Variants in PDZD2 observed in about 807,000 individuals in gnomAD.
PDZD2 encodes the protein PDZ domain-containing protein 2.
Under a neutral mutation model 220.7 loss-of-function variants are expected in PDZD2, and 90 were observed. The observed-to-expected ratio is 0.41, with a 90% CI of 0.34 to 0.49. The LOEUF (loss-of-function observed/expected upper bound fraction) is 0.49. Among genes scored for constraint, PDZD2 ranks in the 20% least tolerant of loss-of-function variants. The probability of loss-of-function intolerance (pLI) is 0.28; values close to 1 mark genes in which losing one functional copy is unlikely to be tolerated. For synonymous variants in PDZD2, 1,375 were observed against 1,450.5 expected (o/e 0.95, Z 1.18); for missense variants, 3,174 against 3,608.5 (o/e 0.88, Z 3.08).
chr5:31,727,896 AG>A (rs1749269798), intron 1 of PDZD2, among the ~76,000 whole-genome samples: 1 of 150,042 alleles, frequency 6.7e-6, no homozygotes, highest in South Asian at 2.1e-4. Context: ...CCAGCTACTC[AG>A]GAGGCTGAGG....
intron 2 of PDZD2, among the ~76,000 whole-genome samples, chr5:31,873,638 G>A (rs1210202936): frequency 6.6e-6 from 1 of 151,536 alleles, no homozygotes. Context: ...TGGGCTCAAA[G>A]CGATCCGCCT....
intron 2 of PDZD2, among the ~76,000 whole-genome samples, chr5:31,918,388 G>T (rs1265281055): frequency 6.6e-6 from 1 of 152,196 alleles, no homozygotes; most frequent in Non-Finnish European, 1.5e-5. Context: ...ACCAACTAGG[G>T]TGAACAGAGT....
At chr5:31,761,229 C>T (rs1211463091) in intron 1 of PDZD2, among the ~76,000 whole-genome samples, 1 of 152,142 alleles carries the variant, frequency 6.6e-6, no homozygotes, top group East Asian at 1.9e-4. Context: ...TGAAAAGTCA[C>T]CCAAACGGAA....
intron 1 of PDZD2, among the ~76,000 whole-genome samples, chr5:31,704,572 A>G (rs575272204): frequency 2.7e-4 from 41 of 152,202 alleles, no homozygotes; most frequent in Non-Finnish European, 4.6e-4. Context: ...AAATATTTTG[A>G]CTGCAGATTT....
intron 1 of PDZD2, among the ~76,000 whole-genome samples, chr5:31,678,120 G>C (rs1746511822): frequency 6.6e-6 from 1 of 152,198 alleles, no homozygotes; most frequent in Admixed American, 6.5e-5. Flanking sequence ...AGACATGGGG[G>C]ACAGATGGTC....
At position 31,878,555 on chromosome 5, in the gene PDZD2, C is replaced by CTTTTTTTTT. The variant is rs397884384; in HGVS notation, c.476+78847_476+78855dup. On this transcript the variant is annotated intron_variant, in intron 2 of 24. Transcript: ENST00000438447. ...TTCTTTGGTGGTCAGATGACCTCGGCTTTTTTTTTTTTTTTTTTTTTTTTG... is the reference window on the plus strand; with the variant it reads ...TTCTTTGGTGGTCAGATGACCTCGGCTTTTTTTTTTTTTTTTTTTTTTTTTTTTTTTTTG... 3.3e-3 allele frequency among the ~76,000 whole-genome samples: 160 copies of CTTTTTTTTT among 48,192 alleles called. 30 individuals are homozygous for CTTTTTTTTT. The highest frequency in any genetic ancestry group is 8.9e-3 in the African/African-American group (128 of 14,368). The allele number at this position is 48,192 out of a possible 152,430, so 31.6% of individuals were successfully genotyped here.
chr5:31,699,781 GT>G (rs11370810), intron 1 of PDZD2, among the ~76,000 whole-genome samples: 25 of 142,124 alleles, frequency 1.8e-4, no homozygotes, highest in Middle Eastern at 3.7e-3. Context: ...TTTTTTGTTT[GT>G]TTTTTTTTTG....
At chr5:31,850,243 T>TATATATATATAC (rs577432352) in intron 2 of PDZD2, among the ~76,000 whole-genome samples, 46 of 122,224 alleles carry the variant, frequency 3.8e-4, no homozygotes, top group South Asian at 2.6e-3. Flanking sequence ...TATATATATA[T>TATATATATATAC]ACACACACAC....
intron 1 of PDZD2, among the ~76,000 whole-genome samples, chr5:31,795,612 A>G (rs963523513): frequency 1.3e-5 from 2 of 152,164 alleles, no homozygotes; most frequent in Non-Finnish European, 2.9e-5. Context: ...GGAGGTCAGT[A>G]TTTCTAACTG....
rs1167189434 is a variant in PDZD2 at position 31,849,949 on chromosome 5, CATATATATATAT to C, written c.476+50227_476+50238del. On this transcript the variant is annotated intron_variant, in intron 2 of 24. Transcript: ENST00000438447. Reference sequence around the variant, plus strand: ...ATATATATACACATATATATATATACATATATATATATACACATATATATATATACATATATA... The same window carrying C: ...ATATATATACACATATATATATATACACACATATATATATATACATATATA... Among the ~76,000 whole-genome samples, 6 of 20,458 alleles carry C rather than the reference CATATATATATAT, an allele frequency of 2.9e-4. 1 individual carries two copies. The highest frequency in any genetic ancestry group is 1.7e-3 in the African/African-American group (6 of 3,538). The allele number at this position is 20,458 out of a possible 152,430, so 13.4% of individuals were successfully genotyped here.
intron 1 of PDZD2, among the ~76,000 whole-genome samples, chr5:31,692,349 C>T (rs925713356): frequency 2.6e-5 from 4 of 152,224 alleles, no homozygotes; most frequent in Non-Finnish European, 4.4e-5. Context: ...GCCTCTCCCT[C>T]CAAACCTCCC....
chr5:32,009,682 T>C (rs1467533330), intron 5 of PDZD2, among the ~76,000 whole-genome samples: 1 of 151,702 alleles, frequency 6.6e-6, no homozygotes, highest in African/African-American at 2.4e-5. Flanking sequence ...CAGTGAGCTA[T>C]GATTGCACCA....
intron 6 of PDZD2, among the ~76,000 whole-genome samples, chr5:32,015,967 A>G (rs1561355924): frequency 6.6e-6 from 1 of 152,232 alleles, no homozygotes; most frequent in Non-Finnish European, 1.5e-5. Flanking sequence ...TTCCGTTGCC[A>G]TCAAGCAAAT....
intron 1 of PDZD2, among the ~76,000 whole-genome samples, chr5:31,667,819 G>A (rs1746052430): frequency 1.3e-5 from 2 of 151,894 alleles, no homozygotes; most frequent in African/African-American, 4.8e-5. Flanking sequence ...AAGGTAGAGG[G>A]GAAGTCTGCA....
At chr5:31,948,796 T>TTA (rs974093985) in intron 2 of PDZD2, among the ~76,000 whole-genome samples, 12 of 152,070 alleles carry the variant, frequency 7.9e-5, no homozygotes, top group Non-Finnish European at 1.8e-4. Context: ...AGAGAACCAC[T>TTA]TATATATATA....
At chr5:32,096,829 ATTTTTTTTTTTTTTT>A (rs71831480) in intron 21 of PDZD2, among the ~76,000 whole-genome samples, 1 of 96,832 alleles carries the variant, frequency 1.0e-5, no homozygotes, top group Admixed American at 1.4e-4. Flanking sequence ...ATGTACTATG[ATTTTTTTTTTTTTTT>A]TTTTTTTTTG....
intron 3 of PDZD2, among the ~76,000 whole-genome samples, chr5:31,984,022 T>C (rs1273931841): frequency 6.6e-6 from 1 of 152,222 alleles, no homozygotes; most frequent in East Asian, 1.9e-4. Flanking sequence ...ATCGCTGCTG[T>C]CACCAGTGGA....
intron 2 of PDZD2, among the ~76,000 whole-genome samples, chr5:31,968,976 C>A (rs1360441139): frequency 2.0e-5 from 3 of 152,066 alleles, no homozygotes; most frequent in African/African-American, 7.2e-5. Context: ...TGCATGATGA[C>A]AAAGTGGAGT....
intron 2 of PDZD2, among the ~76,000 whole-genome samples, chr5:31,830,034 C>A (rs1013785302): frequency 2.0e-5 from 3 of 151,960 alleles, no homozygotes; most frequent in Non-Finnish European, 4.4e-5. Flanking sequence ...GGTGACAGAG[C>A]GAGACTCCAT....
Sources: allele counts gnomAD v4.1 joint callset (sites outside exome capture counted in the v4.1 genomes callset), GRCh38; gene constraint gnomAD v4.1.1; transcripts MANE v1.5; gene names NCBI Gene and HGNC (gene_info 2026-07-23, HGNC 2026-07-21).